The following EPHA6 variants were observed in gnomAD, a reference collection of about 807,000 sequenced individuals.
EPHA6 encodes EPH receptor A6.
A neutral mutation model predicts 112.0 loss-of-function variants in EPHA6; 50 were observed. That is an observed-to-expected ratio of 0.45 (90% CI 0.36 to 0.56). EPHA6 has a LOEUF of 0.56. Ranked by LOEUF, EPHA6 falls within the 20% of genes least tolerant of loss-of-function variation. The probability of loss-of-function intolerance (pLI) is 0.00; values close to 1 mark genes in which losing one functional copy is unlikely to be tolerated. For missense variants in EPHA6, 1,280 were observed against 1,417.4 expected, an observed-to-expected ratio of 0.90 and a Z score of 1.56; for synonymous variants, 529 against 490.7, an observed-to-expected ratio of 1.08 and a Z score of -1.03.
Position 97,450,904 on chromosome 3 carries a change from G to A in EPHA6, c.1894+2174G>A, listed in dbSNP as rs538134767. Among the ~76,000 whole-genome samples, 4 of 152,190 alleles carry A rather than the reference G, an allele frequency of 2.6e-5. No individual in the cohort carries two copies. The East Asian group carries it at 7.7e-4, about 29-fold the overall frequency. On this transcript the variant is annotated intron_variant, in intron 7 of 17. Transcript: ENST00000389672. ...CATAAAGATATACAAAGGATATGGT[G>A]GCAGCATAGTGAAGATGACTACTAC...
At chr3:97,371,243 AAAG>A (rs957390868) in intron 5 of EPHA6, among the ~76,000 whole-genome samples, 35 of 152,322 alleles carry the variant, frequency 2.3e-4, no homozygotes, top group African/African-American at 7.5e-4. Context: ...GTATATAGAC[AAAG>A]ATGTTGAGAA....
At chr3:97,023,074 C>T (rs913085322) in intron 3 of EPHA6, among the ~76,000 whole-genome samples, 3 of 152,058 alleles carry the variant, frequency 2.0e-5, no homozygotes, top group African/African-American at 7.2e-5. Flanking sequence ...GATCCAATGC[C>T]TCACTAACTC....
At chr3:97,050,865 G>C (rs2045663884) in intron 3 of EPHA6, among the ~76,000 whole-genome samples, 1 of 152,134 alleles carries the variant, frequency 6.6e-6, no homozygotes, top group African/African-American at 2.4e-5. Context: ...ATTTCAGGCT[G>C]ATTATTTAGG....
At chr3:97,359,451 TG>T (rs1446085944) in intron 5 of EPHA6, among the ~76,000 whole-genome samples, 56 of 151,702 alleles carry the variant, frequency 3.7e-4, no homozygotes, top group African/African-American at 8.5e-4. Flanking sequence ...GTTCATACAT[TG>T]TTTTTTTTTT....
chr3:97,422,101 A>G (rs1178720466), intron 6 of EPHA6, among the ~76,000 whole-genome samples: 3 of 150,014 alleles, frequency 2.0e-5, no homozygotes, highest in African/African-American at 4.9e-5. Flanking sequence ...AGAAAAATTG[A>G]TAATTTTCAT....
At chr3:97,741,326 C>G (rs1034580222) in intron 16 of EPHA6, among the ~76,000 whole-genome samples, 15 of 151,978 alleles carry the variant, frequency 9.9e-5, no homozygotes, top group African/African-American at 3.6e-4. Flanking sequence ...ACACTCCAGC[C>G]TGGGCAACAG....
At chr3:97,295,827 G>C (rs1225505738) in intron 5 of EPHA6, among the ~76,000 whole-genome samples, 2 of 152,140 alleles carry the variant, frequency 1.3e-5, no homozygotes, top group East Asian at 3.9e-4. Flanking sequence ...CAGTGTGTTA[G>C]TCTGTGGTTT....
chr3:97,679,884 C>T (rs1055726159), intron 14 of EPHA6, among the ~76,000 whole-genome samples: 1 of 152,170 alleles, frequency 6.6e-6, no homozygotes, highest in African/African-American at 2.4e-5. Context: ...CTGTTTAACC[C>T]TTTGTGACCC....
chr3:96,957,877 T>A (rs2041818243), intron 2 of EPHA6, among the ~76,000 whole-genome samples: 1 of 152,176 alleles, frequency 6.6e-6, no homozygotes, highest in African/African-American at 2.4e-5. Context: ...GGTGATCATA[T>A]TGGGTTGTTT....
chr3:97,371,329 T>G (rs573424480), intron 5 of EPHA6, among the ~76,000 whole-genome samples: 188 of 152,288 alleles, frequency 1.2e-3, no homozygotes, highest in Non-Finnish European at 2.1e-3. Flanking sequence ...GCTGAAGCCA[T>G]GGCAGAAGAA....
chr3:96,844,503 G>A (rs1440889240), intron 1 of EPHA6, among the ~76,000 whole-genome samples: 1 of 151,850 alleles, frequency 6.6e-6, no homozygotes, highest in Non-Finnish European at 1.5e-5. Context: ...CAAAAATAAA[G>A]GTCTTGCTGT....
At chr3:97,168,468 G>A (rs1004468986) in intron 3 of EPHA6, among the ~76,000 whole-genome samples, 1 of 151,966 alleles carries the variant, frequency 6.6e-6, no homozygotes, top group African/African-American at 2.4e-5. Context: ...GTTCAAAATT[G>A]TGTAGCACCT....
At chr3:96,829,973 A>G (rs998096508) in intron 1 of EPHA6, among the ~76,000 whole-genome samples, 5 of 151,658 alleles carry the variant, frequency 3.3e-5, no homozygotes, top group Admixed American at 2.6e-4. Context: ...ACACACACAC[A>G]CACACACACA....
chr3:97,750,228 A>T lies in EPHA6; in HGVS notation c.*1527A>T, dbSNP rs2035863602. ...AATAAATTAGCTTTTGTTGGATCTC[A>T]GTGATAATGGTGCCCTACCTACCCT... On this transcript the variant is annotated 3_prime_UTR_variant, in exon 18 of 18. Transcript: ENST00000389672. Among the ~76,000 whole-genome samples, 1 of 152,068 alleles carries T rather than the reference A, an allele frequency of 6.6e-6. No homozygotes were observed. Among genetic ancestry groups the T allele is most frequent in the Admixed American group, 6.5e-5 (1 of 15,268 alleles).
intron 5 of EPHA6, among the ~76,000 whole-genome samples, chr3:97,251,820 A>G (rs2079151110): frequency 6.6e-6 from 1 of 152,188 alleles, no homozygotes; most frequent in Admixed American, 6.5e-5. Context: ...CCTTTGTTCA[A>G]AAAGTAGGAA....
chr3:97,146,852 T>G (rs910583061), intron 3 of EPHA6, among the ~76,000 whole-genome samples: 1 of 151,022 alleles, frequency 6.6e-6, no homozygotes, highest in African/African-American at 2.5e-5. Context: ...CTCTCTAAAA[T>G]GCAAAGATGT....
At chr3:96,844,861 A>C (rs1342100581) in intron 1 of EPHA6, among the ~76,000 whole-genome samples, 4 of 151,984 alleles carry the variant, frequency 2.6e-5, no homozygotes, top group African/African-American at 9.7e-5. Context: ...TGATCCCAGC[A>C]GGCATAATTG....
intron 1 of EPHA6, among the ~76,000 whole-genome samples, chr3:96,863,015 C>T (rs901938106): frequency 6.6e-6 from 1 of 151,946 alleles, no homozygotes; most frequent in Non-Finnish European, 1.5e-5. Flanking sequence ...CAGACACATT[C>T]TATGCATTAT....
chr3:97,112,232 G>A (rs1340934652), intron 3 of EPHA6, among the ~76,000 whole-genome samples: 1 of 152,092 alleles, frequency 6.6e-6, no homozygotes, highest in African/African-American at 2.4e-5. Context: ...GGTATTTTAT[G>A]TGCTGGTATG....
Sources: allele counts gnomAD v4.1 joint callset (sites outside exome capture counted in the v4.1 genomes callset), GRCh38; gene constraint gnomAD v4.1.1; transcripts MANE v1.5; gene names NCBI Gene and HGNC (gene_info 2026-07-23, HGNC 2026-07-21).